Variants in ATRNL1 observed in about 807,000 individuals in gnomAD.
The protein encoded by ATRNL1 is attractin-like protein 1.
A neutral mutation model predicts 182.7 loss-of-function variants in ATRNL1; 95 were observed. The observed-to-expected ratio is 0.52, with a 90% CI of 0.44 to 0.62. ATRNL1 has a LOEUF of 0.62. Ranked by LOEUF, ATRNL1 falls within the 20% of genes least tolerant of loss-of-function variation. ATRNL1 has a pLI of 0.00. For synonymous variants in ATRNL1, 576 were observed against 568.3 expected (o/e 1.01, Z -0.19); for missense variants, 1,471 against 1,679.5 (o/e 0.88, Z 2.17).
intron 27 of ATRNL1, among the ~76,000 whole-genome samples, chr10:115,730,129 C>T (rs145745134): frequency 2.3e-3 from 344 of 151,494 alleles, no homozygotes; most frequent in Middle Eastern, 0.01. Context: ...TGGTGGTGCA[C>T]GCCTGTAATC....
At chr10:115,099,195 A>G (rs1259047652) in intron 1 of ATRNL1, among the ~76,000 whole-genome samples, 1 of 152,190 alleles carries the variant, frequency 6.6e-6, no homozygotes, top group Admixed American at 6.5e-5. Context: ...TACATTATAT[A>G]CTTCTTTTTT....
chr10:115,734,688 G>T (rs1414456864), intron 27 of ATRNL1, among the ~76,000 whole-genome samples: 2 of 151,750 alleles, frequency 1.3e-5, no homozygotes, highest in African/African-American at 4.8e-5. Flanking sequence ...TCTCTCTTTG[G>T]ATATTGATTT....
At chr10:115,177,895 G>GTTT (rs1451534197) in intron 8 of ATRNL1, among the ~76,000 whole-genome samples, 1 of 96,558 alleles carries the variant, frequency 1.0e-5, no homozygotes, top group African/African-American at 3.7e-5. Context: ...TTTTGGTTTT[G>GTTT]TTTTTTTGTT....
chr10:115,421,494 A>AT (rs781998955), intron 20 of ATRNL1, among the ~76,000 whole-genome samples: 11 of 152,268 alleles, frequency 7.2e-5, no homozygotes, highest in Admixed American at 1.3e-4. Flanking sequence ...AAAATTTAAC[A>AT]TTCCTCCATG....
chr10:115,833,370 G>A (rs1409970641), intron 27 of ATRNL1, among the ~76,000 whole-genome samples: 2 of 152,166 alleles, frequency 1.3e-5, no homozygotes, highest in South Asian at 2.1e-4. Context: ...ACTTTTCACG[G>A]CATAGCGTGC....
At chr10:115,512,617 C>G (rs1850443924) in intron 24 of ATRNL1, among the ~76,000 whole-genome samples, 1 of 151,560 alleles carries the variant, frequency 6.6e-6, no homozygotes, top group Non-Finnish European at 1.5e-5. Context: ...AACTACTGTT[C>G]TAGTCATTGG....
At chr10:115,498,853 T>C (rs1463282563) in intron 24 of ATRNL1, among the ~76,000 whole-genome samples, 1 of 152,060 alleles carries the variant, frequency 6.6e-6, no homozygotes, top group Non-Finnish European at 1.5e-5. Context: ...CTGTTGGAAA[T>C]ACTTGCTACT....
At chr10:115,809,659 G>T (rs1950002542) in intron 27 of ATRNL1, among the ~76,000 whole-genome samples, 1 of 151,808 alleles carries the variant, frequency 6.6e-6, no homozygotes, top group Admixed American at 6.6e-5. Context: ...TTGTGACATT[G>T]CAACACTCAA....
At chr10:115,849,008 C>A (rs1950993110) in intron 28 of ATRNL1, among the ~76,000 whole-genome samples, 1 of 152,152 alleles carries the variant, frequency 6.6e-6, no homozygotes, top group Admixed American at 6.6e-5. Flanking sequence ...GACTTGTGTC[C>A]AACCAGACAC....
chr10:115,231,523 T>C (rs1222728289), intron 9 of ATRNL1, among the ~76,000 whole-genome samples: 2 of 152,140 alleles, frequency 1.3e-5, no homozygotes, highest in Non-Finnish European at 2.9e-5. Context: ...GGACAAGATA[T>C]ATATATTTTT....
At chr10:115,539,324 G>A (rs1253057046) in intron 25 of ATRNL1, among the ~76,000 whole-genome samples, 1 of 152,128 alleles carries the variant, frequency 6.6e-6, no homozygotes, top group Admixed American at 6.5e-5. Context: ...TCACCATAGG[G>A]TTCCAGTTCC....
chr10:115,889,385 T>A (rs1242053162), intron 28 of ATRNL1, among the ~76,000 whole-genome samples: 1 of 146,370 alleles, frequency 6.8e-6, no homozygotes, highest in Non-Finnish European at 1.5e-5. Flanking sequence ...TCACCCAGGC[T>A]GGAGGGCAGT....
intron 21 of ATRNL1, 56 bp downstream of exon 21, chr10:115,426,358 A>AC: frequency 1.6e-6 from 2 of 1,266,462 alleles, no homozygotes; most frequent in Non-Finnish European, 2.2e-6. Flanking sequence ...TTAGTTTCAA[A>AC]TAATAAAGGT....
At chr10:115,935,782 C>T (rs1395367470) in intron 28 of ATRNL1, among the ~76,000 whole-genome samples, 1 of 152,150 alleles carries the variant, frequency 6.6e-6, no homozygotes, top group African/African-American at 2.4e-5. Context: ...AGTAGTATTT[C>T]CAATGACATA....
chr10:115,161,919 T>G lies in ATRNL1; in HGVS notation c.1004+1705T>G, dbSNP rs77724487. 5.1e-3 allele frequency among the ~76,000 whole-genome samples: 783 copies of G among 152,222 alleles called. 7 individuals are homozygous for G. Among genetic ancestry groups the G allele is most frequent in the African/African-American group, 0.018 (748 of 41,568 alleles). The stretch of plus-strand genomic sequence containing the variant: ...GTGGAATTTAATTGGGGTGGAAATG[T>G]TACATTTTAAGACAAATTATTCACT... On this transcript the variant is annotated intron_variant, in intron 6 of 28. Transcript: ENST00000355044.
chr10:115,611,054 C>CTTTTTTTTTTTTTTTTTTTTT (rs3086300), intron 26 of ATRNL1, among the ~76,000 whole-genome samples: 1 of 147,050 alleles, frequency 6.8e-6, no homozygotes. Flanking sequence ...TTTCAAAGGA[C>CTTTTTTTTTTTTTTTTTTTTT]TTTTTTTTTT....
Position 115,249,338 on chromosome 10 carries a change from TAC to T in ATRNL1, c.1687+7626_1687+7627del, listed in dbSNP as rs1357497410. ...CTTTACAGTAATACAGATATATATATACACACACACACACGTTTATATATATG... is the reference window on the plus strand; with the variant it reads ...CTTTACAGTAATACAGATATATATATACACACACACACGTTTATATATATG... On this transcript the variant is annotated intron_variant, in intron 10 of 28. Transcript: ENST00000355044. Among the ~76,000 whole-genome samples, 11 of 151,650 alleles carry T rather than the reference TAC, an allele frequency of 7.3e-5. No homozygotes were observed. The South Asian group carries it at 1.2e-3, about 17-fold the overall frequency.
intron 26 of ATRNL1, among the ~76,000 whole-genome samples, chr10:115,610,152 C>T (rs1032787698): frequency 6.6e-5 from 10 of 152,016 alleles, no homozygotes; most frequent in African/African-American, 2.2e-4. Context: ...AGCTTGTAGA[C>T]GTTATGTAAC....
At chr10:115,563,095 T>C (rs561884793) in intron 26 of ATRNL1, among the ~76,000 whole-genome samples, 1 of 152,288 alleles carries the variant, frequency 6.6e-6, no homozygotes, top group Non-Finnish European at 1.5e-5. Context: ...GGGTGATTTA[T>C]AAAGGAAGAA....
Sources: gnomAD v4.1 joint callset for allele counts (sites outside exome capture counted in the v4.1 genomes callset) on GRCh38, gnomAD v4.1.1 for gene constraint, MANE v1.5 for transcripts, NCBI Gene and HGNC (gene_info 2026-07-23, HGNC 2026-07-21) for gene names.